The following MAGI3 variants were observed in gnomAD, a reference collection of about 807,000 sequenced individuals.
MAGI3 encodes the protein membrane associated guanylate kinase, WW and PDZ domain containing 3, also known as membrane-associated guanylate kinase, WW and PDZ domain-containing protein 3.
Under a neutral mutation model 121.8 loss-of-function variants are expected in MAGI3, and 43 were observed. That is an observed-to-expected ratio of 0.35 (90% CI 0.28 to 0.46). The LOEUF is 0.46. Ranked by LOEUF, MAGI3 falls within the 20% of genes least tolerant of loss-of-function variation. The probability of loss-of-function intolerance (pLI) is 1.00; values close to 1 mark genes in which losing one functional copy is unlikely to be tolerated. For missense variants in MAGI3, 1,547 were observed against 1,797.3 expected, an observed-to-expected ratio of 0.86 and a Z score of 2.52; for synonymous variants, 553 against 639.3, an observed-to-expected ratio of 0.86 and a Z score of 2.04.
chr1:113,540,585 A>G (rs1327675798), intron 1 of MAGI3, among the ~76,000 whole-genome samples: 1 of 152,198 alleles, frequency 6.6e-6, no homozygotes, highest in African/African-American at 2.4e-5. Context: ...TGAAACCACT[A>G]GATAAAACAA....
At chr1:113,567,847 G>GA (rs1411539990) in intron 2 of MAGI3, among the ~76,000 whole-genome samples, 1 of 151,978 alleles carries the variant, frequency 6.6e-6, no homozygotes, top group African/African-American at 2.4e-5. Context: ...CATAGTACTG[G>GA]AAATTCTAGC....
In MAGI3 at chr1:113,629,096, TA is replaced by T. The variant is rs1651426674; in HGVS notation, c.1360+6103del. Among the ~76,000 whole-genome samples, 6 of 152,122 alleles carry T rather than the reference TA, an allele frequency of 3.9e-5. No homozygotes were observed. In the South Asian group the frequency reaches 1.2e-3, roughly 32 times the overall value. ...TTTTCTAGATACTGTAGGTGTGCTT[TA>T]TTGTTCTTTATTCTTGTTTTTTTTT... is the stretch of plus-strand genomic sequence containing the variant. On this transcript the variant is annotated intron_variant, in intron 9 of 20. Transcript: ENST00000307546.
intron 1 of MAGI3, among the ~76,000 whole-genome samples, chr1:113,403,437 A>T (rs1651509278): frequency 6.6e-6 from 1 of 152,130 alleles, no homozygotes; most frequent in South Asian, 2.1e-4. Flanking sequence ...CTCTAAAATA[A>T]TTAGAAAATG....
At chr1:113,523,078 T>A (rs182699298) in intron 1 of MAGI3, among the ~76,000 whole-genome samples, 1 of 152,146 alleles carries the variant, frequency 6.6e-6, no homozygotes, top group African/African-American at 2.4e-5. Context: ...CGAGATCTGA[T>A]GGTTTTATAA....
At chr1:113,460,369 GGATGTCC>G (rs1654969295) in intron 1 of MAGI3, among the ~76,000 whole-genome samples, 1 of 152,010 alleles carries the variant, frequency 6.6e-6, no homozygotes, top group Non-Finnish European at 1.5e-5. Flanking sequence ...CATGAGACAA[GGATGTCC>G]TGTCTTACCA....
chr1:113,457,786 G>A (rs1398595277), intron 1 of MAGI3, among the ~76,000 whole-genome samples: 1 of 152,168 alleles, frequency 6.6e-6, no homozygotes, highest in African/African-American at 2.4e-5. Flanking sequence ...ATGGCATACT[G>A]TATGGCAAGA....
At chr1:113,569,705 C>T (rs957661242) in intron 2 of MAGI3, among the ~76,000 whole-genome samples, 1 of 152,126 alleles carries the variant, frequency 6.6e-6, no homozygotes, top group Non-Finnish European at 1.5e-5. Flanking sequence ...CACATTTTAA[C>T]ATCTCTACAG....
At chr1:113,434,456 T>C (rs1039608912) in intron 1 of MAGI3, among the ~76,000 whole-genome samples, 1 of 152,130 alleles carries the variant, frequency 6.6e-6, no homozygotes, top group Non-Finnish European at 1.5e-5. Flanking sequence ...TACTGCTCTA[T>C]TTTCAGTGCT....
At chr1:113,521,658 G>A (rs1273171741) in intron 1 of MAGI3, among the ~76,000 whole-genome samples, 1 of 151,834 alleles carries the variant, frequency 6.6e-6, no homozygotes, top group Admixed American at 6.6e-5. Flanking sequence ...CACCTGCCTC[G>A]GCCTCCCAAA....
intron 19 of MAGI3, 98 bp from the exon 20 acceptor site, chr1:113,681,100 A>T: frequency 7.1e-7 from 1 of 1,416,622 alleles, no homozygotes; most frequent in Non-Finnish European, 9.6e-7. Flanking sequence ...CAAACGAAAG[A>T]ATCACTTAGC....
intron 1 of MAGI3, among the ~76,000 whole-genome samples, chr1:113,444,781 G>A (rs960552094): frequency 2.6e-5 from 4 of 152,148 alleles, no homozygotes; most frequent in African/African-American, 9.7e-5. Flanking sequence ...AAGACCTCAT[G>A]TCAAATCTAC....
At chr1:113,440,653 ATTC>A (rs920846453) in intron 1 of MAGI3, among the ~76,000 whole-genome samples, 13 of 152,194 alleles carry the variant, frequency 8.5e-5, no homozygotes, top group Non-Finnish European at 1.3e-4. Context: ...ATCAACAATT[ATTC>A]TTCTACTAGG....
intron 6 of MAGI3, among the ~76,000 whole-genome samples, chr1:113,606,252 C>G (rs1001346718): frequency 1.3e-5 from 2 of 152,114 alleles, no homozygotes; most frequent in Non-Finnish European, 2.9e-5. Context: ...CAAGTGTGAG[C>G]CACCATGCCC....
intron 1 of MAGI3, among the ~76,000 whole-genome samples, chr1:113,490,653 T>G (rs1331272564): frequency 2.0e-5 from 3 of 152,054 alleles, no homozygotes. Context: ...GTGACATACA[T>G]AGGCTCAAAA....
At chr1:113,536,747 A>T (rs754579917) in intron 1 of MAGI3, among the ~76,000 whole-genome samples, 6 of 152,088 alleles carry the variant, frequency 3.9e-5, no homozygotes, top group Non-Finnish European at 7.4e-5. Context: ...TTTGTATGTC[A>T]GTCTGTAATC....
chr1:113,488,920 A>G (rs1570750038), intron 1 of MAGI3, among the ~76,000 whole-genome samples: 1 of 152,032 alleles, frequency 6.6e-6, no homozygotes, highest in Admixed American at 6.5e-5. Context: ...CATTTCTAGC[A>G]TGACTGTGCG....
At position 113,683,190 on chromosome 1, in the gene MAGI3, C is replaced by A. The variant is rs1217506515; in HGVS notation, c.3622C>A (p.Leu1208Ile). 1.2e-6 allele frequency: 2 copies of A among 1,613,884 alleles called. No individual in the cohort carries two copies. The highest frequency in any genetic ancestry group is 3.3e-5 in the Admixed American group (2 of 60,008). Reference sequence around the variant, plus strand: ...TCATGGGCACAGTAACAAGAAAAATCTATTAAAAGTAGAAAATGGTGTTAC... The same window carrying A: ...TCATGGGCACAGTAACAAGAAAAATATATTAAAAGTAGAAAATGGTGTTAC... ...SSHGHSNKKN[L>I]LKVENGVTRR... The change falls in exon 21 of 21, where the codon CTA (leucine) becomes ATA (isoleucine). Residue 1208 changes from leucine to isoleucine, a missense_variant. Leu to Ile is a conservative substitution (Grantham distance 5). Coordinates refer to ENST00000307546, the MANE Select transcript of MAGI3 (RefSeq NM_001142782.2).
At chr1:113,679,709 A>T (rs1648096719) in intron 19 of MAGI3, among the ~76,000 whole-genome samples, 1 of 144,566 alleles carries the variant, frequency 6.9e-6, no homozygotes. Flanking sequence ...CTGAAAAATG[A>T]TTTTTTTTTT....
At chr1:113,395,087 G>GTTTTTTTGTTTTT (rs1651023607) in intron 1 of MAGI3, among the ~76,000 whole-genome samples, 1 of 33,244 alleles carries the variant, frequency 3.0e-5, no homozygotes, top group Non-Finnish European at 5.1e-5. Context: ...CTTTTTGTTA[G>GTTTTTTTGTTTTT]TTTTTTTTTT....
Sources: allele counts gnomAD v4.1 joint callset (sites outside exome capture counted in the v4.1 genomes callset), GRCh38; gene constraint gnomAD v4.1.1; transcripts MANE v1.5; gene names NCBI Gene and HGNC (gene_info 2026-07-23, HGNC 2026-07-21).